The following RORA variants were observed in gnomAD, a reference collection of about 807,000 sequenced individuals.
RORA encodes the protein nuclear receptor ROR-alpha.
Under a neutral mutation model 69.5 loss-of-function variants are expected in RORA, and 7 were observed. The ratio of observed to expected loss-of-function variants is 0.10; its 90% confidence interval spans 0.06 to 0.19. RORA has a LOEUF of 0.19. RORA is among the 10% of genes least tolerant of loss of function. The probability of loss-of-function intolerance (pLI) is 1.00; values close to 1 mark genes in which losing one functional copy is unlikely to be tolerated. For synonymous variants in RORA, 261 were observed against 240.8 expected, an observed-to-expected ratio of 1.08 and a Z score of -0.78; for missense variants, 457 against 663.0, an observed-to-expected ratio of 0.69 and a Z score of 3.41.
At chr15:61,208,164 T>C (rs1436492756) in intron 1 of RORA, among the ~76,000 whole-genome samples, 2 of 152,200 alleles carry the variant, frequency 1.3e-5, no homozygotes, top group Non-Finnish European at 2.9e-5. Context: ...AGTCTATCAG[T>C]TGATGAATGA....
intron 2 of RORA, among the ~76,000 whole-genome samples, chr15:60,654,238 T>C (rs1011918702): frequency 1.3e-5 from 2 of 152,218 alleles, no homozygotes; most frequent in African/African-American, 2.4e-5. Flanking sequence ...ATTTGTACCC[T>C]AAAATGTTCC....
rs578006896 is a variant in RORA at position 61,172,040 on chromosome 15, T to A, written c.166+57013A>T. Among the ~76,000 whole-genome samples the A allele has an allele frequency of 1.2e-4, 18 of 152,272 alleles. No individual in the cohort carries two copies. The South Asian group carries it at 3.7e-3, about 32-fold the overall frequency. ...AACAGCTGTTGATGAAGATGTTAAG[T>A]CTTGCTCAGGGGACCAGTTGCAGTG... is the stretch of plus-strand genomic sequence containing the variant. On this transcript the variant is annotated intron_variant, in intron 1 of 10. Coordinates refer to ENST00000335670, the MANE Select transcript of RORA (RefSeq NM_134261.3).
chr15:61,135,758 C>T (rs182623667), intron 1 of RORA, among the ~76,000 whole-genome samples: 11 of 152,168 alleles, frequency 7.2e-5, no homozygotes, highest in African/African-American at 2.6e-4. Context: ...GATAAGCTAG[C>T]CCATTGGAAA....
At chr15:60,750,835 T>A (rs1245078635) in intron 1 of RORA, among the ~76,000 whole-genome samples, 1 of 152,218 alleles carries the variant, frequency 6.6e-6, no homozygotes, top group Non-Finnish European at 1.5e-5. Context: ...CACTGTGCCA[T>A]GCATGCTTCA....
At chr15:60,721,070 T>C (rs1193399269) in intron 1 of RORA, among the ~76,000 whole-genome samples, 1 of 152,098 alleles carries the variant, frequency 6.6e-6, no homozygotes, top group Non-Finnish European at 1.5e-5. Flanking sequence ...GAAACCTCAG[T>C]TCTCAAGTGC....
intron 9 of RORA, 114 bp from the exon 10 acceptor site, chr15:60,500,118 A>G: frequency 1.6e-6 from 1 of 642,928 alleles, no homozygotes; most frequent in Non-Finnish European, 2.6e-6. Flanking sequence ...TTAGAGACTC[A>G]GAGGCCAGTT....
At chr15:60,700,424 T>C (rs2070965861) in intron 1 of RORA, among the ~76,000 whole-genome samples, 1 of 152,172 alleles carries the variant, frequency 6.6e-6, no homozygotes, top group African/African-American at 2.4e-5. Flanking sequence ...AATGTGATGA[T>C]GCTTAAGGGA....
At chr15:60,719,455 T>C (rs1468723232) in intron 1 of RORA, among the ~76,000 whole-genome samples, 1 of 152,006 alleles carries the variant, frequency 6.6e-6, no homozygotes, top group African/African-American at 2.4e-5. Flanking sequence ...AGATTAAAAA[T>C]CCAAAACCAC....
chr15:60,759,293 C>G (rs1445863743), intron 1 of RORA, among the ~76,000 whole-genome samples: 2 of 152,202 alleles, frequency 1.3e-5, no homozygotes, highest in African/African-American at 4.8e-5. Flanking sequence ...GTGGACAACA[C>G]AACACACATA....
intron 1 of RORA, among the ~76,000 whole-genome samples, chr15:60,819,767 A>ACACGCG (rs1555455771): frequency 6.2e-4 from 91 of 147,632 alleles, no homozygotes; most frequent in Middle Eastern, 3.5e-3. Context: ...ACACACACAC[A>ACACGCG]CACACACACA....
At chr15:61,228,206 C>G (rs12901465) in intron 1 of RORA, among the ~76,000 whole-genome samples, 127,921 of 152,154 alleles carry the variant, frequency 0.84, 55,725 homozygotes, top group Non-Finnish European at 0.96. Flanking sequence ...AAATAAGTTT[C>G]GGTGCTTGCT....
intron 6 of RORA, among the ~76,000 whole-genome samples, chr15:60,504,850 G>A (rs562978701): frequency 2.0e-5 from 3 of 152,118 alleles, no homozygotes; most frequent in African/African-American, 7.2e-5. Context: ...TGTTCCCACC[G>A]ATATGATGGG....
chr15:60,749,154 T>A (rs75068745), intron 1 of RORA, among the ~76,000 whole-genome samples: 5,304 of 152,288 alleles, frequency 0.035, 128 homozygotes, highest in Non-Finnish European at 0.051. Context: ...CTCTATGCCT[T>A]CATTGAACAA....
intron 1 of RORA, among the ~76,000 whole-genome samples, chr15:60,838,843 AACACACACACAC>A (rs58762022): frequency 3.2e-3 from 387 of 122,106 alleles, no homozygotes; most frequent in Middle Eastern, 0.021. Context: ...ACATTCATTC[AACACACACACAC>A]ACACACACAC....
chr15:60,700,522 T>A (rs2070967254), intron 1 of RORA, among the ~76,000 whole-genome samples: 1 of 152,012 alleles, frequency 6.6e-6, no homozygotes, highest in Non-Finnish European at 1.5e-5. Context: ...ATAATTTACA[T>A]TCATCCTCTA....
At chr15:61,200,087 T>C (rs1425803705) in intron 1 of RORA, among the ~76,000 whole-genome samples, 3 of 151,990 alleles carry the variant, frequency 2.0e-5, no homozygotes, top group Non-Finnish European at 4.4e-5. Context: ...AAGTCAGGGG[T>C]GACATGAGGA....
intron 1 of RORA, among the ~76,000 whole-genome samples, chr15:61,208,024 C>T (rs1376137903): frequency 1.3e-5 from 2 of 152,212 alleles, no homozygotes; most frequent in Non-Finnish European, 2.9e-5. Context: ...ACACAAAGCT[C>T]CGGCCTCTTC....
chr15:61,183,803 C>A (rs960504215), intron 1 of RORA, among the ~76,000 whole-genome samples: 3 of 152,158 alleles, frequency 2.0e-5, no homozygotes, highest in South Asian at 2.1e-4. Flanking sequence ...AAAGCAAATG[C>A]TCAATAAACA....
rs1334241330 is a variant in RORA at position 60,727,542 on chromosome 15, C to T, written c.167-48856G>A. Among the ~76,000 whole-genome samples, 3 of 152,132 alleles carry T rather than the reference C, an allele frequency of 2.0e-5. No individual in the cohort carries two copies. The East Asian group carries it at 5.8e-4, about 29-fold the overall frequency. Reference sequence around the variant, plus strand: ...CAAAGCTCTAAACTGTCAACTAGAACATTTTAAGCACAGATCAGAACAAGG... The same window carrying T: ...CAAAGCTCTAAACTGTCAACTAGAATATTTTAAGCACAGATCAGAACAAGG... On this transcript the variant is annotated intron_variant, in intron 1 of 10. Coordinates refer to ENST00000335670, the MANE Select transcript of RORA (RefSeq NM_134261.3).
Sources: gnomAD v4.1 joint callset for allele counts (sites outside exome capture counted in the v4.1 genomes callset) on GRCh38, gnomAD v4.1.1 for gene constraint, MANE v1.5 for transcripts, NCBI Gene and HGNC (gene_info 2026-07-23, HGNC 2026-07-21) for gene names.